Variants in SEZ6L observed in about 807,000 individuals in gnomAD.
SEZ6L encodes seizure 6-like protein.
SEZ6L carries 37 observed loss-of-function variants against 106.2 expected under a neutral mutation model. The ratio of observed to expected loss-of-function variants is 0.35; its 90% CI spans 0.27 to 0.46. The LOEUF (loss-of-function observed/expected upper bound fraction) is 0.46. Ranked by LOEUF, SEZ6L falls within the 20% of genes least tolerant of loss-of-function variation. The probability of loss-of-function intolerance (pLI) is 1.00; values close to 1 mark genes in which losing one functional copy is unlikely to be tolerated. For missense variants in SEZ6L, 1,172 were observed against 1,332.8 expected, an observed-to-expected ratio of 0.88 and a Z score of 1.88; for synonymous variants, 541 against 570.4, an observed-to-expected ratio of 0.95 and a Z score of 0.73.
chr22:26,330,435 G>A (rs1404814642), intron 9 of SEZ6L, among the ~76,000 whole-genome samples: 2 of 152,236 alleles, frequency 1.3e-5, no homozygotes, highest in East Asian at 1.9e-4. Flanking sequence ...TTACATAGCT[G>A]TAAATGCAGG....
chr22:26,172,133 T>A (rs532224705), intron 1 of SEZ6L, among the ~76,000 whole-genome samples: 35 of 152,272 alleles, frequency 2.3e-4, no homozygotes, highest in African/African-American at 7.7e-4. Flanking sequence ...TGTAACTACA[T>A]GCAAAGACTG....
chr22:26,309,500 G>A (rs2081744968), intron 6 of SEZ6L, among the ~76,000 whole-genome samples: 1 of 152,188 alleles, frequency 6.6e-6, no homozygotes. Context: ...CCCACACAGT[G>A]CTCTTAGAAA....
intron 1 of SEZ6L, among the ~76,000 whole-genome samples, chr22:26,273,363 T>G (rs1468909052): frequency 6.6e-6 from 1 of 152,242 alleles, no homozygotes; most frequent in African/African-American, 2.4e-5. Context: ...CAATGGCCAC[T>G]CTGAGGACCA....
At chr22:26,365,710 C>CA in intron 13 of SEZ6L, 144 bp downstream of exon 13, 5 of 629,552 alleles carry the variant, frequency 7.9e-6, no homozygotes, top group South Asian at 2.6e-5. Context: ...CCCATCTCTA[C>CA]CAAAAAAAAA....
At chr22:26,225,652 G>A (rs1363982133) in intron 1 of SEZ6L, among the ~76,000 whole-genome samples, 1 of 152,192 alleles carries the variant, frequency 6.6e-6, no homozygotes, top group South Asian at 2.1e-4. Context: ...GAGGAAAATT[G>A]TTGCCATCCC....
At chr22:26,334,985 G>A (rs963004152) in intron 9 of SEZ6L, among the ~76,000 whole-genome samples, 12 of 152,136 alleles carry the variant, frequency 7.9e-5, no homozygotes, top group African/African-American at 2.7e-4. Context: ...ATCGTATCTA[G>A]CTGACATCTC....
At chr22:26,192,612 A>G (rs1940304700) in intron 1 of SEZ6L, among the ~76,000 whole-genome samples, 1 of 152,204 alleles carries the variant, frequency 6.6e-6, no homozygotes, top group Admixed American at 6.5e-5. Flanking sequence ...TTAAGCCTTT[A>G]TTAATTTTGC....
At chr22:26,283,242 C>T (rs1234984651) in intron 1 of SEZ6L, among the ~76,000 whole-genome samples, 1 of 152,080 alleles carries the variant, frequency 6.6e-6, no homozygotes, top group Non-Finnish European at 1.5e-5. Flanking sequence ...CTAGTATGCC[C>T]TCCTTAAGAA....
intron 1 of SEZ6L, among the ~76,000 whole-genome samples, chr22:26,208,151 G>A (rs890832377): frequency 3.9e-5 from 6 of 151,978 alleles, no homozygotes; most frequent in Middle Eastern, 3.4e-3. Context: ...TCCTGACCTC[G>A]TGATCCGCCC....
intron 1 of SEZ6L, among the ~76,000 whole-genome samples, chr22:26,173,065 AGAACTATTTTATCT>A (rs1457930029): frequency 6.6e-6 from 1 of 152,202 alleles, no homozygotes; most frequent in Non-Finnish European, 1.5e-5. Flanking sequence ...GGCCTTCAGC[AGAACTATTTTATCT>A]GAACTCCCAT....
At position 26,169,700 on chromosome 22, in the gene SEZ6L, C is replaced by G; in HGVS notation, c.31C>G (p.Leu11Val). The part of the protein sequence containing the change: MPAARPPAAG[L>V]RGISLFLALL... ...CGCGGCCCGGCCGCCCGCCGCGGGA[C>G]TCCGCGGGATCTCGCTGTTCCTCGC... The change falls in exon 1 of 17, where the codon CTC becomes GTC. Residue 11 changes from leucine (L) to valine (V), a missense_variant. Around this residue, in one of 4 missense-constraint regions of SEZ6L, gnomAD observed 494 missense variants for 445.8 expected, o/e 1.11. Transcript: ENST00000248933. 1 of 1,315,770 alleles carries G rather than the reference C, an allele frequency of 7.6e-7. No homozygotes were observed. The highest frequency in any genetic ancestry group is 9.7e-7 in the Non-Finnish European group (1 of 1,034,736). The allele number at this position is 1,315,770 out of a possible 1,614,324, so 81.5% of individuals were successfully genotyped here. A position where few individuals can be genotyped will look rare whatever the true frequency, so the allele number is the denominator to read the frequency against.
rs775027397 is a variant in SEZ6L at position 26,365,436 on chromosome 22, G to C, written c.2664G>C (p.Lys888Asn). Residue 888 changes from lysine (K) to asparagine (N), a missense_variant, in exon 13 of 17, where the codon AAG becomes AAC. Around this residue, in one of 4 missense-constraint regions of SEZ6L, gnomAD observed 141 missense variants for 176.0 expected, o/e 0.80. Coordinates refer to ENST00000248933, the MANE Select transcript of SEZ6L (RefSeq NM_021115.5). ...LPENGYQILYKRLYLPGESLT... is the reference protein window; with the variant it reads ...LPENGYQILYNRLYLPGESLT... ...AAAATGGATACCAAATCCTGTACAAGCGACTCTACCTGCCAGGAGAGTCCC... is the reference window on the plus strand; with the variant it reads ...AAAATGGATACCAAATCCTGTACAACCGACTCTACCTGCCAGGAGAGTCCC... 1 of 1,614,052 alleles carries C rather than the reference G, an allele frequency of 6.2e-7. No homozygotes were observed. Among genetic ancestry groups the C allele is most frequent in the Admixed American group, 1.7e-5 (1 of 60,026 alleles).
intron 9 of SEZ6L, among the ~76,000 whole-genome samples, chr22:26,323,823 T>C (rs1214695349): frequency 6.6e-6 from 1 of 152,094 alleles, no homozygotes; most frequent in Non-Finnish European, 1.5e-5. Context: ...CTGACATTCA[T>C]TGAGTACTTA....
At chr22:26,202,657 G>A (rs931462053) in intron 1 of SEZ6L, among the ~76,000 whole-genome samples, 2 of 152,010 alleles carry the variant, frequency 1.3e-5, no homozygotes, top group Admixed American at 6.5e-5. Flanking sequence ...CTTTTTTTCA[G>A]ATGAGGTTAG....
intron 12 of SEZ6L, among the ~76,000 whole-genome samples, chr22:26,354,265 G>C (rs889786311): frequency 6.6e-6 from 1 of 152,154 alleles, no homozygotes; most frequent in Non-Finnish European, 1.5e-5. Flanking sequence ...TCCAATGACT[G>C]GTGTCTTTGT....
intron 9 of SEZ6L, among the ~76,000 whole-genome samples, chr22:26,314,416 C>T (rs780524092): frequency 1.8e-4 from 27 of 152,276 alleles, no homozygotes; most frequent in Non-Finnish European, 2.6e-4. Context: ...GCCAGTGTGG[C>T]CAGCAAGAAG....
At chr22:26,201,382 C>CAAAAAAAAAAAAAAAAAAAAAAAAAAAA (rs71192905) in intron 1 of SEZ6L, among the ~76,000 whole-genome samples, 3 of 75,302 alleles carry the variant, frequency 4.0e-5, no homozygotes, top group African/African-American at 5.7e-5. Flanking sequence ...TACAAAAATA[C>CAAAAAAAAAAAAAAAAAAAAAAAAAAAA]AAAAAAAAAA....
intron 1 of SEZ6L, among the ~76,000 whole-genome samples, chr22:26,270,269 T>C (rs585244): frequency 0.31 from 47,839 of 152,094 alleles, 8,141 homozygotes; most frequent in Non-Finnish European, 0.37. Flanking sequence ...GTTGTTCTTG[T>C]TGTCATCTTT....
At chr22:26,276,584 T>C (rs2080552098) in intron 1 of SEZ6L, among the ~76,000 whole-genome samples, 1 of 152,264 alleles carries the variant, frequency 6.6e-6, no homozygotes, top group Non-Finnish European at 1.5e-5. Flanking sequence ...TATAGGTAAT[T>C]GAATGCAGAT....
Sources: gnomAD v4.1 joint callset for allele counts (sites outside exome capture counted in the v4.1 genomes callset) on GRCh38, gnomAD v4.1.1 for gene constraint, gnomAD v4.1.1 regional missense constraint, MANE v1.5 for transcripts, NCBI Gene and HGNC (gene_info 2026-07-23, HGNC 2026-07-21) for gene names.